Variants in ATG4C observed in about 807,000 individuals in gnomAD.
ATG4C encodes cysteine protease ATG4C.
In ATG4C, 56 loss-of-function variants were observed where a neutral mutation model predicts 57.6. That is an observed-to-expected ratio of 0.97 (90% CI 0.78 to 1.21). The LOEUF (loss-of-function observed/expected upper bound fraction) is 1.21, where lower values mean the gene tolerates loss of function less well. Among genes scored for constraint, ATG4C ranks in the 50% most tolerant of loss-of-function variants. ATG4C has a pLI of 0.00. For missense variants in ATG4C, 595 were observed against 529.8 expected, an observed-to-expected ratio of 1.12 and a Z score of -1.21; for synonymous variants, 157 against 174.1, an observed-to-expected ratio of 0.90 and a Z score of 0.78.
intron 3 of ATG4C, among the ~76,000 whole-genome samples, chr1:62,812,478 A>G (rs2100307526): frequency 6.6e-6 from 1 of 152,292 alleles, no homozygotes; most frequent in African/African-American, 2.4e-5. Flanking sequence ...ATCTCAAAAT[A>G]ATAAGAGCTA....
intron 6 of ATG4C, 57 bp downstream of exon 6, chr1:62,821,266 G>A: frequency 8.4e-7 from 1 of 1,187,842 alleles, no homozygotes; most frequent in Non-Finnish European, 1.2e-6. Flanking sequence ...TTTTATATGT[G>A]TTTAGCTTAT....
At chr1:62,853,217 C>T (rs146073126) in intron 10 of ATG4C, among the ~76,000 whole-genome samples, 26 of 152,234 alleles carry the variant, frequency 1.7e-4, no homozygotes, top group Admixed American at 1.1e-3. Flanking sequence ...CATTATTTTA[C>T]GCCAAATGAA....
intron 10 of ATG4C, among the ~76,000 whole-genome samples, chr1:62,845,886 G>A (rs1028118661): frequency 2.0e-5 from 3 of 152,082 alleles, no homozygotes; most frequent in South Asian, 2.1e-4. Context: ...ATTTTTAGTA[G>A]ACACAGGGTT....
chr1:62,809,433 A>G (rs780931831), intron 3 of ATG4C, among the ~76,000 whole-genome samples: 69 of 147,972 alleles, frequency 4.7e-4, no homozygotes, highest in Non-Finnish European at 7.4e-4. Context: ...ACATATATTT[A>G]AAAATACATA....
intron 5 of ATG4C, among the ~76,000 whole-genome samples, 168 bp downstream of exon 5, chr1:62,819,503 A>T (rs1206924758): frequency 6.6e-6 from 1 of 151,886 alleles, no homozygotes; most frequent in Non-Finnish European, 1.5e-5. Flanking sequence ...ACATATTGCG[A>T]CTCTAGTTAC....
intron 9 of ATG4C, among the ~76,000 whole-genome samples, chr1:62,839,960 CG>C (rs1375893057): frequency 6.6e-6 from 1 of 151,928 alleles, no homozygotes; most frequent in Non-Finnish European, 1.5e-5. Flanking sequence ...GGTGATGATA[CG>C]GGATACAAAT....
intron 9 of ATG4C, among the ~76,000 whole-genome samples, chr1:62,840,170 A>G (rs1666125026): frequency 6.6e-6 from 1 of 152,048 alleles, no homozygotes; most frequent in East Asian, 1.9e-4. Context: ...CCTCCCATTA[A>G]TGGAGTTGGA....
At chr1:62,801,518 ATCCCAGCACTTTGG>A (rs1176793664) in intron 1 of ATG4C, among the ~76,000 whole-genome samples, 4 of 152,158 alleles carry the variant, frequency 2.6e-5, no homozygotes, top group African/African-American at 9.7e-5. Context: ...CGCGCCTGTA[ATCCCAGCACTTTGG>A]GAGACCAAGG....
intron 8 of ATG4C, 26 bp from the exon 9 acceptor site, chr1:62,834,750 A>T (rs1175664611): frequency 1.9e-6 from 3 of 1,583,338 alleles, no homozygotes; most frequent in South Asian, 2.2e-5. Flanking sequence ...TTTTTGAATT[A>T]CTTGTCTTCT....
At chr1:62,841,634 T>C in intron 10 of ATG4C, 87 bp downstream of exon 10, 1 of 1,105,332 alleles carries the variant, frequency 9.0e-7, no homozygotes, top group South Asian at 2.1e-5. Context: ...TAAATTATAA[T>C]TTTTTATAAA....
At chr1:62,829,280 G>C in intron 7 of ATG4C, 104 bp downstream of exon 7, 2 of 1,216,400 alleles carry the variant, frequency 1.6e-6, no homozygotes, top group Non-Finnish European at 2.3e-6. Flanking sequence ...TGATTTTGTA[G>C]TTGTACGTTG....
intron 10 of ATG4C, among the ~76,000 whole-genome samples, chr1:62,843,507 T>TA (rs1156954939): frequency 6.6e-6 from 1 of 152,206 alleles, no homozygotes; most frequent in African/African-American, 2.4e-5. Context: ...TCATTGTTTT[T>TA]AACCCTTAAA....
chr1:62,816,062 A>G (rs1391468142), intron 3 of ATG4C, among the ~76,000 whole-genome samples: 17 of 152,124 alleles, frequency 1.1e-4, no homozygotes, highest in Admixed American at 1.1e-3. Context: ...GGTTTCTTTT[A>G]ATGCAGGTTG....
intron 1 of ATG4C, among the ~76,000 whole-genome samples, chr1:62,788,686 C>A (rs1264382513): frequency 2.0e-5 from 3 of 152,096 alleles, no homozygotes; most frequent in Non-Finnish European, 4.4e-5. Flanking sequence ...TATACCATTA[C>A]AAAAATACCG....
chr1:62,818,102 A>G (rs1390649711), intron 4 of ATG4C, among the ~76,000 whole-genome samples: 3 of 152,114 alleles, frequency 2.0e-5, no homozygotes. Context: ...AATTACATGC[A>G]TGTTTGGGGA....
At chr1:62,787,350 C>T (rs957449144) in intron 1 of ATG4C, among the ~76,000 whole-genome samples, 3 of 152,012 alleles carry the variant, frequency 2.0e-5, no homozygotes, top group African/African-American at 7.2e-5. Flanking sequence ...ATATATTAAA[C>T]CATGTATATG....
chr1:62,794,967 A>T (rs1369054409), intron 1 of ATG4C, among the ~76,000 whole-genome samples: 1 of 152,236 alleles, frequency 6.6e-6, no homozygotes, highest in Non-Finnish European at 1.5e-5. Context: ...TAGATAAAAA[A>T]CTTAGAGTAG....
chr1:62,856,621 T>TA (rs1666690987), intron 10 of ATG4C, among the ~76,000 whole-genome samples: 1 of 152,226 alleles, frequency 6.6e-6, no homozygotes, highest in Non-Finnish European at 1.5e-5. Context: ...TTTGAACTGA[T>TA]ACTGTCCAAC....
intron 9 of ATG4C, among the ~76,000 whole-genome samples, chr1:62,841,043 C>A (rs1236462727): frequency 6.6e-6 from 1 of 152,120 alleles, no homozygotes; most frequent in Non-Finnish European, 1.5e-5. Context: ...AACATTAACC[C>A]AAAATCTCCA....
Sources: allele counts gnomAD v4.1 joint callset (sites outside exome capture counted in the v4.1 genomes callset), GRCh38; gene constraint gnomAD v4.1.1; transcripts MANE v1.5; gene names NCBI Gene and HGNC (gene_info 2026-07-23, HGNC 2026-07-21).